The following ST7 variants were observed in gnomAD, a reference collection of about 807,000 sequenced individuals.
ST7 encodes the protein suppression of tumorigenicity 7, also known as suppressor of tumorigenicity 7 protein.
In ST7, 28 loss-of-function variants were observed where a neutral mutation model predicts 78.7. That is an observed-to-expected ratio of 0.36 (90% CI 0.26 to 0.49). The LOEUF (loss-of-function observed/expected upper bound fraction) is 0.49, where lower values mean the gene tolerates loss of function less well. Among genes scored for constraint, ST7 ranks in the 20% least tolerant of loss-of-function variants. ST7 has a pLI of 0.99. For missense variants in ST7, 418 were observed against 696.0 expected, an observed-to-expected ratio of 0.60 and a Z score of 4.49; for synonymous variants, 247 against 249.6, an observed-to-expected ratio of 0.99 and a Z score of 0.10.
chr7:117,198,028 G>A (rs945044785), intron 12 of ST7, among the ~76,000 whole-genome samples: 2 of 152,116 alleles, frequency 1.3e-5, no homozygotes, highest in Non-Finnish European at 2.9e-5. Flanking sequence ...CCACAGCCTG[G>A]GTGACAGAAA....
chr7:117,162,737 CT>C (rs1472934153), intron 9 of ST7, among the ~76,000 whole-genome samples: 1 of 151,996 alleles, frequency 6.6e-6, no homozygotes, highest in African/African-American at 2.4e-5. Flanking sequence ...GATATTTTGG[CT>C]TTTACATCTT....
chr7:117,078,469 A>G (rs1799519707), intron 1 of ST7, among the ~76,000 whole-genome samples: 1 of 152,250 alleles, frequency 6.6e-6, no homozygotes, highest in African/African-American at 2.4e-5. Context: ...AATCCAAGTT[A>G]ACATGTTACT....
Position 116,975,476 on chromosome 7 carries a change from TG to T in ST7, c.151+21787del, listed in dbSNP as rs573958535. ...AGGCTAGAGTGCAGTGGCATGATCT[TG>T]GCTCACTGCAGCCTCCACCTCCCGG... On this transcript the variant is annotated intron_variant, in intron 1 of 15. Coordinates refer to ENST00000323984, the MANE Select transcript of ST7 (RefSeq NM_001369598.1). 1.2e-4 allele frequency among the ~76,000 whole-genome samples: 18 copies of T among 152,244 alleles called. No homozygotes were observed. The East Asian group carries it at 3.5e-3, about 29-fold the overall frequency.
chr7:117,229,698 G>A, intron 15 of ST7, 64 bp from the exon 16 acceptor site: 4 of 1,347,156 alleles, frequency 3.0e-6, no homozygotes, highest in Non-Finnish European at 4.1e-6. Flanking sequence ...TGGGTGGAGA[G>A]GTTTGTTTTA....
At chr7:116,993,879 A>G (rs1318897381) in intron 1 of ST7, among the ~76,000 whole-genome samples, 2 of 152,248 alleles carry the variant, frequency 1.3e-5, no homozygotes, top group Non-Finnish European at 2.9e-5. Context: ...ATTGTATTGT[A>G]TAAGGTATTT....
chr7:117,024,352 A>G (rs897424324), intron 1 of ST7, among the ~76,000 whole-genome samples: 1 of 152,110 alleles, frequency 6.6e-6, no homozygotes, highest in Non-Finnish European at 1.5e-5. Flanking sequence ...AAGTATGATG[A>G]ATTATTTAAT....
chr7:117,200,837 A>AC (rs1563163439), intron 12 of ST7, among the ~76,000 whole-genome samples: 1 of 146,190 alleles, frequency 6.8e-6, no homozygotes, highest in East Asian at 2.0e-4. Context: ...TTTTTTTTAA[A>AC]AAAAAAAGAA....
chr7:117,082,937 A>C (rs1260917019), intron 1 of ST7, among the ~76,000 whole-genome samples: 2 of 152,236 alleles, frequency 1.3e-5, no homozygotes, highest in Non-Finnish European at 2.9e-5. Flanking sequence ...GTGTTGGTTA[A>C]ATAGTCGCTC....
chr7:116,965,325 G>A (rs531369911), intron 1 of ST7, among the ~76,000 whole-genome samples: 2 of 142,372 alleles, frequency 1.4e-5, no homozygotes, highest in South Asian at 4.6e-4. Flanking sequence ...GGGCGACTGA[G>A]TGAGACTCCG....
chr7:116,993,415 C>T (rs1286227532), intron 1 of ST7, among the ~76,000 whole-genome samples: 2 of 152,112 alleles, frequency 1.3e-5, no homozygotes, highest in Non-Finnish European at 2.9e-5. Flanking sequence ...CATCGTATCT[C>T]GTAAGACTTG....
chr7:117,019,513 G>A (rs1478368377), intron 1 of ST7, among the ~76,000 whole-genome samples: 3 of 152,192 alleles, frequency 2.0e-5, no homozygotes, highest in Non-Finnish European at 4.4e-5. Context: ...GCCTTAAAAT[G>A]ACTGAGTTGC....
At chr7:117,180,456 T>A (rs557168806) in intron 10 of ST7, among the ~76,000 whole-genome samples, 2 of 152,288 alleles carry the variant, frequency 1.3e-5, no homozygotes, top group South Asian at 4.1e-4. Context: ...CAGTTACTAC[T>A]AAAGTAGACA....
At chr7:117,170,015 C>T (rs1807871474) in intron 9 of ST7, among the ~76,000 whole-genome samples, 1 of 152,008 alleles carries the variant, frequency 6.6e-6, no homozygotes, top group Admixed American at 6.6e-5. Context: ...TCTTTTAACC[C>T]GTGTCACTTT....
chr7:117,047,578 G>A (rs578079890), intron 1 of ST7, among the ~76,000 whole-genome samples: 116 of 152,224 alleles, frequency 7.6e-4, no homozygotes, highest in Non-Finnish European at 1.4e-3. Context: ...GTGTCTAGCC[G>A]TTTATACTCT....
At chr7:117,204,840 G>A (rs965357115) in intron 12 of ST7, among the ~76,000 whole-genome samples, 6 of 152,120 alleles carry the variant, frequency 3.9e-5, no homozygotes, top group African/African-American at 1.4e-4. Flanking sequence ...TGTTTTTGAT[G>A]CAAGTCTAGA....
intron 1 of ST7, among the ~76,000 whole-genome samples, chr7:117,028,915 G>A (rs1356871028): frequency 1.3e-5 from 2 of 152,112 alleles, no homozygotes; most frequent in African/African-American, 2.4e-5. Flanking sequence ...ACAACTTAGG[G>A]GTTAGAGGCT....
intron 1 of ST7, among the ~76,000 whole-genome samples, chr7:117,039,610 C>T (rs934988713): frequency 6.6e-6 from 1 of 151,944 alleles, no homozygotes; most frequent in Non-Finnish European, 1.5e-5. Context: ...TATCCAAACT[C>T]TGAATTTGTA....
intron 1 of ST7, among the ~76,000 whole-genome samples, chr7:117,027,526 TA>T (rs1036934070): frequency 1.8e-5 from 2 of 109,848 alleles, no homozygotes; most frequent in Non-Finnish European, 2.2e-5. Context: ...AAGAGTAAAG[TA>T]AAAAAAAATA....
Position 116,976,647 on chromosome 7 carries a change from C to T in ST7, c.151+22956C>T, listed in dbSNP as rs139803287. On this transcript the variant is annotated intron_variant, in intron 1 of 15. Transcript: ENST00000323984. Reference sequence around the variant, plus strand: ...TTGTCACAAGGCCAAGCCCAACATCCGTGAGGTAGGGCTATATATTCTGTA... The same window carrying T: ...TTGTCACAAGGCCAAGCCCAACATCTGTGAGGTAGGGCTATATATTCTGTA... 4.8e-3 allele frequency among the ~76,000 whole-genome samples: 729 copies of T among 152,268 alleles called. 7 individuals are homozygous for T. The highest frequency in any genetic ancestry group is 7.5e-3 in the Non-Finnish European group (508 of 68,024).
Sources: allele counts gnomAD v4.1 joint callset (sites outside exome capture counted in the v4.1 genomes callset), GRCh38; gene constraint gnomAD v4.1.1; transcripts MANE v1.5; gene names NCBI Gene and HGNC (gene_info 2026-07-23, HGNC 2026-07-21).